Variants in RBMS1 observed in about 807,000 individuals in gnomAD.
The protein encoded by RBMS1 is RNA-binding motif, single-stranded-interacting protein 1.
A neutral mutation model predicts 62.3 loss-of-function variants in RBMS1; 17 were observed. The observed-to-expected ratio is 0.27, with a 90% CI of 0.19 to 0.41. RBMS1 has a LOEUF of 0.41. Ranked by LOEUF, RBMS1 falls within the 10% of genes least tolerant of loss-of-function variation. RBMS1 has a pLI of 1.00. For synonymous variants in RBMS1, 172 were observed against 170.0 expected (o/e 1.01, Z -0.09); for missense variants, 334 against 504.5 (o/e 0.66, Z 3.24).
intron 2 of RBMS1, among the ~76,000 whole-genome samples, chr2:160,364,812 T>C (rs1693310819): frequency 6.6e-6 from 1 of 152,218 alleles, no homozygotes; most frequent in Non-Finnish European, 1.5e-5. Flanking sequence ...TAAATAATCC[T>C]CTAAAATATC....
At chr2:160,296,226 CT>C (rs1160245064) in intron 6 of RBMS1, among the ~76,000 whole-genome samples, 1 of 151,978 alleles carries the variant, frequency 6.6e-6, no homozygotes. Flanking sequence ...GAAAACAATA[CT>C]AACTTAAAAA....
At chr2:160,332,219 T>C (rs1035795092) in intron 2 of RBMS1, among the ~76,000 whole-genome samples, 1 of 152,196 alleles carries the variant, frequency 6.6e-6, no homozygotes, top group Non-Finnish European at 1.5e-5. Context: ...CTGGACTTCT[T>C]GTTGATACAA....
chr2:160,414,240 A>G (rs918536676), intron 1 of RBMS1, among the ~76,000 whole-genome samples: 14 of 152,218 alleles, frequency 9.2e-5, no homozygotes, highest in Non-Finnish European at 1.8e-4. Flanking sequence ...CCAACCTAGC[A>G]TCTAAATCTC....
rs939470830 is a variant in RBMS1, at chr2:160,441,968, A to G, written c.75+51321T>C. ...GCCATTCATATATCTTCTTTTGTGC[A>G]GTGCCTTTTCAAGTATTTAATTGGA... On this transcript the variant is annotated intron_variant, in intron 1 of 13. Transcript: ENST00000348849. 3.3e-5 allele frequency among the ~76,000 whole-genome samples: 5 copies of G among 152,314 alleles called. No homozygotes were observed. In the East Asian group the frequency reaches 9.6e-4, roughly 29 times the overall value.
chr2:160,306,888 G>A (rs1689559316), intron 4 of RBMS1, among the ~76,000 whole-genome samples: 1 of 151,960 alleles, frequency 6.6e-6, no homozygotes, highest in Non-Finnish European at 1.5e-5. Context: ...AACCATAACT[G>A]GTTTATTATT....
chr2:160,444,941 T>G (rs1383227198), intron 1 of RBMS1, among the ~76,000 whole-genome samples: 2 of 152,304 alleles, frequency 1.3e-5, no homozygotes, highest in Non-Finnish European at 2.9e-5. Flanking sequence ...CCTCCAGAAC[T>G]GTGAAAAAAC....
At chr2:160,327,027 C>G (rs775211246) in intron 2 of RBMS1, among the ~76,000 whole-genome samples, 12 of 152,204 alleles carry the variant, frequency 7.9e-5, no homozygotes, top group Non-Finnish European at 1.5e-4. Flanking sequence ...AGCAGAAGTT[C>G]AGACAATCCT....
chr2:160,285,021 G>A lies in RBMS1; in HGVS notation c.780C>T (p.Asp260=). The A allele has an allele frequency of 6.2e-7, 1 of 1,613,232 alleles. No individual in the cohort carries two copies. Among genetic ancestry groups the A allele is most frequent in the South Asian group, 1.1e-5 (1 of 91,052 alleles). ...CGTTCTGTATAGCAGCTGTAGTTGG[G>A]TCGTAAGTAAGTGTCATTCCAGCCT... ...VRLAGMTLTY[D]PTTAAIQNGF... is the part of the protein sequence containing the mutation. The change falls in exon 8 of 14, where the codon GAC becomes GAT. Residue 260 remains aspartate (D), a synonymous_variant. Transcript: ENST00000348849.
At chr2:160,298,139 C>G (rs1689034238) in intron 6 of RBMS1, among the ~76,000 whole-genome samples, 1 of 152,074 alleles carries the variant, frequency 6.6e-6, no homozygotes, top group African/African-American at 2.4e-5. Flanking sequence ...TAGAAATAAT[C>G]AGAAAGAAAA....
Position 160,426,290 on chromosome 2 carries a change from A to AAAGG in RBMS1, c.76-58900_76-58899insCCTT, listed in dbSNP as rs1248344627. On this transcript the variant is annotated intron_variant, in intron 1 of 13. Transcript: ENST00000348849. ...GAAAGAAAGAAAGAAAGAAAGAAAG[A>AAAGG]AAAGAAAGAAGGAAGGAAGGAAGGA... Among the ~76,000 whole-genome samples the AAAGG allele has an allele frequency of 4.5e-3, 302 of 67,046 alleles. 2 individuals carry two copies. Among genetic ancestry groups the AAAGG allele is most frequent in the Middle Eastern group, 0.014 (2 of 148 alleles). The allele number at this position is 67,046 out of a possible 152,430, so 44.0% of individuals were successfully genotyped here. A position where few individuals can be genotyped will look rare whatever the true frequency, so the allele number is the denominator to read the frequency against.
chr2:160,465,983 T>C (rs1176772757), intron 1 of RBMS1, among the ~76,000 whole-genome samples: 2 of 152,166 alleles, frequency 1.3e-5, no homozygotes, highest in African/African-American at 2.4e-5. Flanking sequence ...CTAACACTTA[T>C]CAGAAAAGTG....
rs141421927 is a variant in RBMS1, at chr2:160,291,361, C to T, written c.641-4277G>A. Among the ~76,000 whole-genome samples, 137 of 152,312 alleles carry T rather than the reference C, an allele frequency of 9.0e-4. 4 individuals are homozygous for T. In the East Asian group the frequency reaches 0.026, roughly 29 times the overall value. ...ATCCACTGTGGAAAACTAGTCCACT[C>T]AGCAACTGTAATTAGCTTTCTTTCT... On this transcript the variant is annotated intron_variant, in intron 6 of 13. Transcript: ENST00000348849.
intron 1 of RBMS1, among the ~76,000 whole-genome samples, chr2:160,490,908 G>A (rs759659720): frequency 6.6e-6 from 1 of 152,158 alleles, no homozygotes; most frequent in Non-Finnish European, 1.5e-5. Context: ...TAAACAGAGT[G>A]ATGTTTTCTA....
At chr2:160,370,242 A>G (rs1358599938) in intron 1 of RBMS1, among the ~76,000 whole-genome samples, 1 of 152,260 alleles carries the variant, frequency 6.6e-6, no homozygotes, top group Non-Finnish European at 1.5e-5. Context: ...GAAGACAGAG[A>G]AAGAAAACTG....
chr2:160,367,708 C>T (rs1352914490), intron 1 of RBMS1, among the ~76,000 whole-genome samples: 1 of 152,042 alleles, frequency 6.6e-6, no homozygotes, highest in Admixed American at 6.5e-5. Flanking sequence ...TTAGATGATA[C>T]CATCTTAATA....
intron 1 of RBMS1, among the ~76,000 whole-genome samples, chr2:160,434,599 C>T (rs575605491): frequency 9.5e-4 from 144 of 152,284 alleles, no homozygotes; most frequent in Middle Eastern, 3.4e-3. Flanking sequence ...AATACAGTGG[C>T]CTCTAGCCAC....
chr2:160,366,210 T>C (rs1443095024), intron 2 of RBMS1, among the ~76,000 whole-genome samples: 1 of 152,222 alleles, frequency 6.6e-6, no homozygotes, highest in South Asian at 2.1e-4. Flanking sequence ...ATGTTACTTT[T>C]AGTTCCAGTT....
In RBMS1 at chr2:160,284,482, A is replaced by G. The variant is rs11900651; in HGVS notation, c.900+293T>C. 2,221 of 394,902 alleles carry G rather than the reference A, an allele frequency of 5.6e-3. 38 individuals are homozygous for G. The highest frequency in any genetic ancestry group is 0.039 in the African/African-American group (1,906 of 49,218). 24.5% of individuals were successfully genotyped at this position (394,902 alleles called of 1,614,324 possible). On this transcript the variant is annotated intron_variant, in intron 9 of 13. Coordinates refer to ENST00000348849, the MANE Select transcript of RBMS1 (RefSeq NM_016836.4). ...TCTTAAGTTTCAATTTTTGGGACAC[A>G]TGGTGTCCAAAAGCAGGGCCCCTTG...
At chr2:160,398,127 T>C (rs1431822925) in intron 1 of RBMS1, among the ~76,000 whole-genome samples, 1 of 152,198 alleles carries the variant, frequency 6.6e-6, no homozygotes, top group Non-Finnish European at 1.5e-5. Context: ...GGAAGAATAA[T>C]GTGTAATTCA....
Sources: gnomAD v4.1 joint callset for allele counts (sites outside exome capture counted in the v4.1 genomes callset) on GRCh38, gnomAD v4.1.1 for gene constraint, MANE v1.5 for transcripts, NCBI Gene and HGNC (gene_info 2026-07-23, HGNC 2026-07-21) for gene names.